EXOC6: variants seen among roughly 807,000 people sequenced by gnomAD.
The protein encoded by EXOC6 is SEC15-like 1.
EXOC6 carries 60 observed loss-of-function variants against 112.5 expected under a neutral mutation model. The ratio of observed to expected loss-of-function variants is 0.53; its 90% CI spans 0.43 to 0.66. The LOEUF is 0.66. EXOC6 is among the 30% of genes least tolerant of loss of function. EXOC6 has a pLI of 0.00. For missense variants in EXOC6, 855 were observed against 957.1 expected (o/e 0.89, Z 1.41); for synonymous variants, 295 against 308.0 (o/e 0.96, Z 0.44).
intron 18 of EXOC6, among the ~76,000 whole-genome samples, chr10:92,995,757 T>C (rs1411363210): frequency 2.6e-5 from 4 of 152,206 alleles, no homozygotes; most frequent in African/African-American, 9.6e-5. Flanking sequence ...TACATTCCTT[T>C]TTGGCAGTTC....
At chr10:92,891,812 C>A (rs1849517217) in intron 1 of EXOC6, among the ~76,000 whole-genome samples, 1 of 152,064 alleles carries the variant, frequency 6.6e-6, no homozygotes, top group Non-Finnish European at 1.5e-5. Context: ...TAATTGGTAT[C>A]CTATATTGTT....
At chr10:93,033,351 C>G (rs181257002) in intron 20 of EXOC6, among the ~76,000 whole-genome samples, 12 of 152,288 alleles carry the variant, frequency 7.9e-5, no homozygotes, top group African/African-American at 2.9e-4. Flanking sequence ...CCAGCAGACT[C>G]AGAGATTTCT....
chr10:92,929,921 G>T (rs560553114), intron 9 of EXOC6, among the ~76,000 whole-genome samples: 5 of 152,298 alleles, frequency 3.3e-5, no homozygotes, highest in African/African-American at 1.2e-4. Flanking sequence ...ATGCCATATG[G>T]CTGAGAATTT....
chr10:93,006,848 T>C (rs1844008899), intron 19 of EXOC6, among the ~76,000 whole-genome samples: 1 of 152,210 alleles, frequency 6.6e-6, no homozygotes, highest in Admixed American at 6.5e-5. Context: ...AGTTACAGAA[T>C]TATTCCATTT....
At chr10:93,051,855 T>A (rs1846305047) in intron 20 of EXOC6, among the ~76,000 whole-genome samples, 1 of 152,216 alleles carries the variant, frequency 6.6e-6, no homozygotes, top group South Asian at 2.1e-4. Context: ...GGTCTCAGCT[T>A]TGCTTTTTGG....
At chr10:92,950,621 A>G (rs1186671806) in intron 14 of EXOC6, among the ~76,000 whole-genome samples, 1 of 151,816 alleles carries the variant, frequency 6.6e-6, no homozygotes, top group Admixed American at 6.7e-5. Flanking sequence ...GAAAGGCTGC[A>G]TAAAGGTCAA....
At chr10:92,902,014 GAAAAAC>G (rs145008935) in intron 5 of EXOC6, among the ~76,000 whole-genome samples, 61,814 of 150,248 alleles carry the variant, frequency 0.41, 13,274 homozygotes, top group African/African-American at 0.52. Flanking sequence ...CTGTCTCAAA[GAAAAAC>G]AAAAACAAAA....
intron 1 of EXOC6, among the ~76,000 whole-genome samples, chr10:92,874,054 GAAAA>G (rs77166885): frequency 3.5e-5 from 4 of 113,472 alleles, no homozygotes; most frequent in African/African-American, 1.3e-4. Flanking sequence ...CCATGTCACA[GAAAA>G]AAAAAAAAAG....
intron 17 of EXOC6, among the ~76,000 whole-genome samples, chr10:92,957,010 A>G (rs1215565433): frequency 5.9e-5 from 9 of 152,112 alleles, no homozygotes; most frequent in African/African-American, 1.9e-4. Context: ...CCTGCCCTCA[A>G]GAAGCTCAGA....
intron 18 of EXOC6, among the ~76,000 whole-genome samples, chr10:92,982,487 A>AGAAAATGATT (rs1481483658): frequency 6.6e-6 from 1 of 151,754 alleles, no homozygotes; most frequent in Non-Finnish European, 1.5e-5. Flanking sequence ...TTTTTAAAAA[A>AGAAAATGATT]AGGATACAAA....
chr10:92,969,223 A>G (rs1454679865), intron 17 of EXOC6, among the ~76,000 whole-genome samples: 1 of 152,116 alleles, frequency 6.6e-6, no homozygotes, highest in African/African-American at 2.4e-5. Context: ...CTCTTTAGCC[A>G]CTTTAGTGCT....
In EXOC6 at chr10:93,058,376, A is replaced by G. The variant is rs371398576; in HGVS notation, c.*21A>G. 12 of 1,568,770 alleles carry G rather than the reference A, an allele frequency of 7.6e-6. No homozygotes were observed. Among genetic ancestry groups the G allele is most frequent in the Non-Finnish European group, 8.6e-6 (10 of 1,162,438 alleles). The stretch of plus-strand genomic sequence containing the variant: ...TGTAGACCTCACATGGCTTGCACTC[A>G]GTGACACCAAATCCATGATTCAATG... On this transcript the variant is annotated 3_prime_UTR_variant, in exon 22 of 22. Transcript: ENST00000260762.
At chr10:92,936,579 C>T (rs1017140114) in intron 12 of EXOC6, among the ~76,000 whole-genome samples, 2 of 152,132 alleles carry the variant, frequency 1.3e-5, no homozygotes, top group Admixed American at 6.6e-5. Context: ...GGCAACAGAG[C>T]GAGACTCCAT....
chr10:93,011,758 C>T (rs4919038), intron 19 of EXOC6, among the ~76,000 whole-genome samples: 96,575 of 151,126 alleles, frequency 0.64, 33,745 homozygotes, highest in East Asian at 0.99. Context: ...TCAGTTAAGA[C>T]GTAATGATAC....
At chr10:92,999,203 C>CTTTT in intron 19 of EXOC6, 5 of 352,184 alleles carry the variant, frequency 1.4e-5, no homozygotes, top group Non-Finnish European at 2.7e-5. Flanking sequence ...CTAAGAAACA[C>CTTTT]TTTTTTTTTT....
In EXOC6 at chr10:92,979,710, G is replaced by A. The variant is rs149102994; in HGVS notation, c.1953+5478G>A. Among the ~76,000 whole-genome samples, 517 of 152,090 alleles carry A rather than the reference G, an allele frequency of 3.4e-3. 1 individual carries two copies. Among genetic ancestry groups the A allele is most frequent in the Non-Finnish European group, 5.9e-3 (402 of 67,982 alleles). On this transcript the variant is annotated intron_variant, in intron 18 of 21. Transcript: ENST00000260762. ...TTTGGGAGGCTGAGGCAGGAAGGTC[G>A]CTTGAGCCCAGGAGTTGGAGAACAG...
chr10:92,984,305 G>A (rs769473786), intron 18 of EXOC6, among the ~76,000 whole-genome samples: 7 of 151,922 alleles, frequency 4.6e-5, no homozygotes, highest in Non-Finnish European at 8.8e-5. Context: ...CCTTTTTGAT[G>A]AGTGAATATT....
intron 20 of EXOC6, among the ~76,000 whole-genome samples, chr10:93,039,261 TA>T (rs979532492): frequency 6.6e-6 from 1 of 152,244 alleles, no homozygotes; most frequent in African/African-American, 2.4e-5. Flanking sequence ...TTAGTACTCA[TA>T]GTTAAGTCAC....
At chr10:92,848,282 G>A (rs1461883963), upstream of EXOC6, among the ~76,000 whole-genome samples, 1 of 152,102 alleles carries the variant, frequency 6.6e-6, no homozygotes, top group Non-Finnish European at 1.5e-5. Context: ...GGGACTAGTC[G>A]CGAGAGAGGG....
Sources: allele counts gnomAD v4.1 joint callset (sites outside exome capture counted in the v4.1 genomes callset), GRCh38; gene constraint gnomAD v4.1.1; transcripts MANE v1.5; gene names NCBI Gene and HGNC (gene_info 2026-07-23, HGNC 2026-07-21).